Variants in RIMS1 observed in about 807,000 individuals in gnomAD.
The protein encoded by RIMS1 is regulating synaptic membrane exocytosis protein 1.
A neutral mutation model predicts 214.1 loss-of-function variants in RIMS1; 83 were observed. The observed-to-expected ratio is 0.39, with a 90% CI of 0.32 to 0.47. RIMS1 has a LOEUF of 0.47. Ranked by LOEUF, RIMS1 falls within the 20% of genes least tolerant of loss-of-function variation. The probability of loss-of-function intolerance (pLI) is 0.99; values close to 1 mark genes in which losing one functional copy is unlikely to be tolerated. For synonymous variants in RIMS1, 793 were observed against 786.8 expected (o/e 1.01, Z -0.13); for missense variants, 2,050 against 2,161.8 (o/e 0.95, Z 1.03).
chr6:72,311,979 A>G (rs1448417420), intron 27 of RIMS1, among the ~76,000 whole-genome samples: 5 of 152,216 alleles, frequency 3.3e-5, no homozygotes, highest in Non-Finnish European at 7.3e-5. Flanking sequence ...TCCAAAAACA[A>G]GAACAGAACT....
At chr6:71,972,068 G>T (rs951333957) in intron 2 of RIMS1, among the ~76,000 whole-genome samples, 1 of 152,090 alleles carries the variant, frequency 6.6e-6, no homozygotes, top group South Asian at 2.1e-4. Context: ...AAATAAGAGC[G>T]AGCCCTAGGT....
At chr6:72,390,802 C>CA (rs2098690688) in intron 30 of RIMS1, 66 bp downstream of exon 30, 32 of 1,553,352 alleles carry the variant, frequency 2.1e-5, no homozygotes, top group Non-Finnish European at 2.6e-5. Context: ...AGTAAGATAA[C>CA]AAAGCCACTG....
intron 6 of RIMS1, among the ~76,000 whole-genome samples, chr6:72,184,398 T>C (rs995736754): frequency 1.3e-5 from 2 of 152,226 alleles, no homozygotes; most frequent in African/African-American, 2.4e-5. Context: ...TTGCTGCAGC[T>C]ACGTCAGCAG....
chr6:72,303,875 A>T (rs1448687707), intron 26 of RIMS1, among the ~76,000 whole-genome samples: 1 of 151,596 alleles, frequency 6.6e-6, no homozygotes, highest in Non-Finnish European at 1.5e-5. Flanking sequence ...TTTTTATAAA[A>T]TTGTAATATT....
intron 1 of RIMS1, among the ~76,000 whole-genome samples, chr6:71,908,786 C>A (rs1776043559): frequency 6.6e-6 from 1 of 152,110 alleles, no homozygotes; most frequent in Non-Finnish European, 1.5e-5. Context: ...TTGTAATTAA[C>A]ATTTTTACAG....
intron 24 of RIMS1, among the ~76,000 whole-genome samples, chr6:72,289,228 GC>G (rs1404130252): frequency 5.9e-5 from 9 of 152,102 alleles, no homozygotes; most frequent in Admixed American, 3.3e-4. Context: ...CCATTTGCGA[GC>G]CACGTTTAGA....
At chr6:72,399,506 A>T (rs972595043) in intron 33 of RIMS1, among the ~76,000 whole-genome samples, 1 of 152,180 alleles carries the variant, frequency 6.6e-6, no homozygotes, top group East Asian at 1.9e-4. Context: ...GCATTGCTAT[A>T]TACCAAACAT....
chr6:72,200,462 A>G (rs1043731848), intron 6 of RIMS1, among the ~76,000 whole-genome samples: 5 of 152,134 alleles, frequency 3.3e-5, no homozygotes, highest in South Asian at 2.1e-4. Context: ...TTAACCTTCA[A>G]TGAAAGGCTT....
chr6:72,016,516 A>G (rs1298196376), intron 2 of RIMS1, among the ~76,000 whole-genome samples: 7 of 152,226 alleles, frequency 4.6e-5, no homozygotes, highest in South Asian at 2.1e-4. Context: ...TGAAAATAGC[A>G]TAAAACATAC....
chr6:72,009,553 A>C (rs1809445073), intron 2 of RIMS1, among the ~76,000 whole-genome samples: 1 of 152,202 alleles, frequency 6.6e-6, no homozygotes, highest in Non-Finnish European at 1.5e-5. Context: ...TTTTGAAAAG[A>C]TCAACAAAAT....
intron 4 of RIMS1, among the ~76,000 whole-genome samples, chr6:72,101,599 G>A (rs1209803189): frequency 6.6e-6 from 1 of 151,824 alleles, no homozygotes; most frequent in Non-Finnish European, 1.5e-5. Context: ...GGTATGGGTG[G>A]AAAGGGAAGA....
rs530423183 is a variant in RIMS1, at chr6:72,156,006, A to C, written c.472-23569A>C. 27 of 303,712 alleles carry C rather than the reference A, an allele frequency of 8.9e-5. 3 individuals carry two copies. Among genetic ancestry groups the C allele is most frequent in the African/African-American group, 5.4e-4 (25 of 45,974 alleles). The allele number at this position is 303,712 out of a possible 1,614,324, so 18.8% of individuals were successfully genotyped here. A position where few individuals can be genotyped will look rare whatever the true frequency, so the allele number is the denominator to read the frequency against. Reference sequence around the variant, plus strand: ...GGATATGGAGAAAAAAATAACACTTATACCCTGTTGGTAGGAATGTAAATT... The same window carrying C: ...GGATATGGAGAAAAAAATAACACTTCTACCCTGTTGGTAGGAATGTAAATT... On this transcript the variant is annotated intron_variant, in intron 4 of 33. Coordinates refer to ENST00000521978, the MANE Select transcript of RIMS1 (RefSeq NM_014989.7).
intron 2 of RIMS1, among the ~76,000 whole-genome samples, chr6:71,971,971 T>C (rs762592683): frequency 1.1e-4 from 16 of 152,108 alleles, no homozygotes; most frequent in Non-Finnish European, 1.6e-4. Flanking sequence ...CAAGCATATA[T>C]ATCTAACAAG....
At chr6:72,165,283 A>C (rs2046096795) in intron 4 of RIMS1, among the ~76,000 whole-genome samples, 1 of 152,166 alleles carries the variant, frequency 6.6e-6, no homozygotes, top group Non-Finnish European at 1.5e-5. Context: ...ACATAAGTTC[A>C]TTTAATGTTT....
chr6:72,134,545 T>A (rs937771074), intron 4 of RIMS1, among the ~76,000 whole-genome samples: 9 of 152,098 alleles, frequency 5.9e-5, no homozygotes, highest in Non-Finnish European at 1.2e-4. Context: ...TCTCTACTCA[T>A]GAGTTTCGTA....
chr6:71,971,794 A>T (rs1300751476), intron 2 of RIMS1, among the ~76,000 whole-genome samples: 2 of 152,132 alleles, frequency 1.3e-5, no homozygotes, highest in African/African-American at 4.8e-5. Flanking sequence ...TGAGAACAGC[A>T]TGGGAAAGAC....
chr6:72,390,050 T>C (rs1564805051), intron 29 of RIMS1, among the ~76,000 whole-genome samples: 1 of 152,186 alleles, frequency 6.6e-6, no homozygotes, highest in Non-Finnish European at 1.5e-5. Context: ...GAAATAAGTA[T>C]AAATATTATA....
chr6:72,263,105 A>C, intron 19 of RIMS1: 2 of 983,198 alleles, frequency 2.0e-6, no homozygotes, highest in Non-Finnish European at 2.4e-6. Context: ...TTGTCCTATG[A>C]GATGTTTCAC....
intron 24 of RIMS1, among the ~76,000 whole-genome samples, chr6:72,286,212 A>T (rs74880816): frequency 2.0e-5 from 3 of 151,846 alleles, no homozygotes; most frequent in Middle Eastern, 3.4e-3. Flanking sequence ...AAAAAAAAAA[A>T]TTGCTAGTTG....
Sources: allele counts gnomAD v4.1 joint callset (sites outside exome capture counted in the v4.1 genomes callset), GRCh38; gene constraint gnomAD v4.1.1; transcripts MANE v1.5; gene names NCBI Gene and HGNC (gene_info 2026-07-23, HGNC 2026-07-21).